Variants in PDCD11 observed in about 807,000 individuals in gnomAD.
PDCD11 encodes the protein protein RRP5 homolog.
A neutral mutation model predicts 198.9 loss-of-function variants in PDCD11; 97 were observed. The ratio of observed to expected loss-of-function variants is 0.49; its 90% CI spans 0.41 to 0.58. PDCD11 has a LOEUF of 0.58. Ranked by LOEUF, PDCD11 falls within the 20% of genes least tolerant of loss-of-function variation. The pLI, the probability that PDCD11 is intolerant of heterozygous loss-of-function variation, is 0.00. For missense variants in PDCD11, 2,102 were observed against 2,312.7 expected (o/e 0.91, Z 1.87); for synonymous variants, 893 against 918.0 (o/e 0.97, Z 0.49).
At chr10:103,426,056 T>A (rs2031681864) in intron 20 of PDCD11, among the ~76,000 whole-genome samples, 2 of 152,222 alleles carry the variant, frequency 1.3e-5, no homozygotes, top group South Asian at 4.1e-4. Flanking sequence ...ACTGTGACCA[T>A]GTGGCAGTAG....
rs533011736 is a variant in PDCD11 at position 103,444,564 on chromosome 10, G to A, written c.5326G>A (p.Asp1776Asn). ...TGCCCAGCTTGAGTTTCAGCTGGGG[G>A]ATGCAGAGCGGGCCAAAGCCATTTT... is the stretch of plus-strand genomic sequence containing the variant. ...KFAQLEFQLG[D>N]AERAKAIFEN... The change falls in exon 35 of 36, where the codon GAT becomes AAT. Residue 1776 changes from aspartate (D) to asparagine (N), a missense_variant. By Grantham distance (23) the Asp-to-Asn change is conservative. Transcript: ENST00000369797. 180 of 1,614,220 alleles carry A rather than the reference G, an allele frequency of 1.1e-4. 5 individuals are homozygous for A. In the South Asian group the frequency reaches 1.9e-3, roughly 17 times the overall value.
intron 23 of PDCD11, 41 bp downstream of exon 23, chr10:103,434,078 C>T (rs746534499): frequency 6.6e-7 from 1 of 1,521,718 alleles, no homozygotes; most frequent in South Asian, 1.1e-5. Context: ...ACCCAAGTTC[C>T]CTAAGCTTGG....
rs780411017 is a variant in PDCD11, at chr10:103,443,949, G to C, written c.5159G>C (p.Arg1720Pro). ...GAACTCTACAACCGGATGCTGAAGC[G>C]TTTCCGGCAGGAGAAAGCTGTGTGG... ...AGELYNRMLK[R>P]FRQEKAVWIK... Residue 1720 changes from arginine (R) to proline (P), a missense_variant, in exon 34 of 36, where the codon CGT (arginine) becomes CCT (proline). Physicochemically the swap from Arg to Pro is moderately radical, Grantham distance 103 (BLOSUM62 -2). Transcript: ENST00000369797. The C allele has an allele frequency of 5.0e-6, 8 of 1,614,214 alleles. No individual in the cohort carries two copies. In the South Asian group the frequency reaches 8.8e-5, roughly 18 times the overall value.
At chr10:103,439,142 C>T (rs144340643) in intron 27 of PDCD11, among the ~76,000 whole-genome samples, 6 of 152,108 alleles carry the variant, frequency 3.9e-5, no homozygotes, top group African/African-American at 1.2e-4. Context: ...AGTTCAAGAC[C>T]AGCCTGGGCA....
Position 103,425,423 on chromosome 10 carries a change from T to C in PDCD11, c.3203T>C (p.Ile1068Thr). ...ATTGGCTGTATCCATGCCTCCCACA[T>C]TCTAGATGATGTTCCAGAGGGCACC... is the stretch of plus-strand genomic sequence containing the variant. Reference protein sequence around the residue: ...GIIGCIHASHILDDVPEGTSP... With the variant: ...GIIGCIHASHTLDDVPEGTSP... Residue 1068 changes from isoleucine (I) to threonine (T), a missense_variant, in exon 20 of 36, where the codon ATT becomes ACT. Coordinates refer to ENST00000369797, the MANE Select transcript of PDCD11 (RefSeq NM_014976.2). 1 of 1,614,062 alleles carries C rather than the reference T, an allele frequency of 6.2e-7. No homozygotes were observed. The highest frequency in any genetic ancestry group is 1.1e-5 in the South Asian group (1 of 91,070).
intron 21 of PDCD11, among the ~76,000 whole-genome samples, chr10:103,428,535 G>A (rs1277078832): frequency 1.3e-5 from 2 of 152,050 alleles, no homozygotes; most frequent in African/African-American, 4.8e-5. Context: ...TCATATTAAT[G>A]GTTTCAGCCT....
rs2031534775 is a variant in PDCD11, at chr10:103,423,138, G to A, written c.2647+1G>A. ...AAAGCCAGCAGATACCATCGCGCAGGTGAGTGCTTCTGTCTTACCCATTGT... is the reference window on the plus strand; with the variant it reads ...AAAGCCAGCAGATACCATCGCGCAGATGAGTGCTTCTGTCTTACCCATTGT... On this transcript the variant is annotated splice_donor_variant, in intron 18 of 35. Coordinates refer to ENST00000369797, the MANE Select transcript of PDCD11 (RefSeq NM_014976.2). LOFTEE classifies it high-confidence loss of function. 1 of 1,569,586 alleles carries A rather than the reference G, an allele frequency of 6.4e-7. No individual in the cohort carries two copies. The highest frequency in any genetic ancestry group is 8.6e-7 in the Non-Finnish European group (1 of 1,158,784).
chr10:103,399,107 G>GTT (rs71019680), intron 2 of PDCD11, among the ~76,000 whole-genome samples: 256 of 125,910 alleles, frequency 2.0e-3, no homozygotes, highest in African/African-American at 3.6e-3. Flanking sequence ...AGAGGAAGCA[G>GTT]TTTTTTTTTT....
rs1305346440 is a variant in PDCD11 at position 103,422,247 on chromosome 10, A to AT, written c.2497+685dup. Among the ~76,000 whole-genome samples, 4 of 151,016 alleles carry AT rather than the reference A, an allele frequency of 2.6e-5. No individual in the cohort carries two copies. The Admixed American group carries it at 2.6e-4, about 10-fold the overall frequency. ...AGGCATCTGCCACCATGTCTGGCTA[A>AT]TTTTTGTATTTTTAGAGAAGACAGG... On this transcript the variant is annotated intron_variant, in intron 17 of 35. Transcript: ENST00000369797.
In PDCD11 at chr10:103,417,822, C is replaced by G; in HGVS notation, c.1801C>G (p.Pro601Ala). 6.2e-7 allele frequency: 1 copy of G among 1,614,056 alleles called. No individual in the cohort carries two copies. The highest frequency in any genetic ancestry group is 1.1e-5 in the South Asian group (1 of 91,068). Residue 601 changes from proline (P) to alanine (A), a missense_variant, in exon 14 of 36, where the codon CCA (proline) becomes GCA (alanine). Transcript: ENST00000369797. ...GAAGGTTGTCGTATTGAACTGTGAG[C>G]CATCCAAAGAGAGGATGCTCTTATC... is the stretch of plus-strand genomic sequence containing the variant. ...VVKVVVLNCE[P>A]SKERMLLSFK... is the part of the protein sequence containing the mutation.
At chr10:103,432,808 C>G (rs1203540523) in intron 22 of PDCD11, among the ~76,000 whole-genome samples, 1 of 152,214 alleles carries the variant, frequency 6.6e-6, no homozygotes, top group Non-Finnish European at 1.5e-5. Context: ...TATAGACATT[C>G]ATACACCCCA....
At chr10:103,443,038 A>G in intron 32 of PDCD11, 127 bp from the exon 33 acceptor site, 1 of 742,998 alleles carries the variant, frequency 1.3e-6, no homozygotes, top group East Asian at 2.7e-5. Flanking sequence ...TAGGGTCTAC[A>G]TTTGGGGTGG....
intron 8 of PDCD11, 76 bp downstream of exon 8, chr10:103,409,882 G>A: frequency 9.3e-7 from 1 of 1,080,596 alleles, no homozygotes; most frequent in Non-Finnish European, 1.4e-6. Flanking sequence ...GCTAGCTACA[G>A]GGAGGTCCTA....
intron 26 of PDCD11, 132 bp from the exon 27 acceptor site, chr10:103,438,554 C>G (rs1225855103): frequency 3.2e-6 from 4 of 1,239,248 alleles, no homozygotes; most frequent in Non-Finnish European, 3.4e-6. Context: ...GAGTTGGGCT[C>G]TAAAGGTTAT....
Position 103,413,467 on chromosome 10 carries a change from G to C in PDCD11, c.1185+145G>C. 3 of 663,330 alleles carry C rather than the reference G, an allele frequency of 4.5e-6. No homozygotes were observed. In the South Asian group the frequency reaches 5.8e-5, roughly 13 times the overall value. The allele number at this position is 663,330 out of a possible 1,614,324, so 41.1% of individuals were successfully genotyped here. ...TTCTAATTCCTGTTCATAGTGATTAGAACAATGTCTATTGACTGTATTAGG... is the reference window on the plus strand; with the variant it reads ...TTCTAATTCCTGTTCATAGTGATTACAACAATGTCTATTGACTGTATTAGG... On this transcript the variant is annotated intron_variant, in intron 9 of 35. Coordinates refer to ENST00000369797, the MANE Select transcript of PDCD11 (RefSeq NM_014976.2).
chr10:103,441,997 G>A (rs761034863), intron 31 of PDCD11, 22 bp downstream of exon 31: 2 of 1,613,344 alleles, frequency 1.2e-6, no homozygotes, highest in Non-Finnish European at 1.7e-6. Flanking sequence ...TGCAGGGCAT[G>A]TCCTTTTTGC....
intron 6 of PDCD11, among the ~76,000 whole-genome samples, chr10:103,406,346 TC>T (rs1363353552): frequency 1.3e-5 from 2 of 152,170 alleles, no homozygotes; most frequent in Non-Finnish European, 2.9e-5. Flanking sequence ...CCTGGAAGAT[TC>T]CACTGCAATT....
intron 1 of PDCD11, 128 bp from the exon 2 acceptor site, chr10:103,398,288 T>G: frequency 1.6e-6 from 1 of 637,236 alleles, no homozygotes; most frequent in Non-Finnish European, 2.9e-6. Flanking sequence ...ATCTAAACCA[T>G]CTATGTTGTA....
At position 103,440,356 on chromosome 10, in the gene PDCD11, G is replaced by C; in HGVS notation, c.4215G>C (p.Val1405=). The C allele has an allele frequency of 1.2e-6, 2 of 1,614,222 alleles. No individual in the cohort carries two copies. Among genetic ancestry groups the C allele is most frequent in the Non-Finnish European group, 1.7e-6 (2 of 1,180,034 alleles). Reference sequence around the variant, plus strand: ...CCGGAGACACTGGGAAGCCAGACGTGCTTTCTGCTTCCTTGGAAGGGCAAC... The same window carrying C: ...CCGGAGACACTGGGAAGCCAGACGTCCTTTCTGCTTCCTTGGAAGGGCAAC... The part of the protein sequence containing the change: ...FLPGDTGKPD[V]LSASLEGQLT... The change falls in exon 29 of 36, where the codon GTG becomes GTC. Residue 1405 remains valine (V), a synonymous_variant. Transcript: ENST00000369797.
Sources: gnomAD v4.1 joint callset for allele counts (sites outside exome capture counted in the v4.1 genomes callset) on GRCh38, gnomAD v4.1.1 for gene constraint, MANE v1.5 for transcripts, NCBI Gene and HGNC (gene_info 2026-07-23, HGNC 2026-07-21) for gene names.